The following PCLO variants were observed in gnomAD, a reference collection of about 807,000 sequenced individuals.
The protein encoded by PCLO is piccolo presynaptic cytomatrix protein.
A neutral mutation model predicts 427.5 loss-of-function variants in PCLO; 82 were observed. The observed-to-expected ratio is 0.19, with a 90% CI of 0.16 to 0.23. The LOEUF is 0.23. Among genes scored for constraint, PCLO ranks in the 10% least tolerant of loss-of-function variants. The pLI is 1.00. For synonymous variants in PCLO, 2,357 were observed against 2,155.4 expected, an observed-to-expected ratio of 1.09 and a Z score of -2.59; for missense variants, 6,239 against 6,115.9, an observed-to-expected ratio of 1.02 and a Z score of -0.67.
chr7:82,958,930 C>A (rs1200729473), intron 4 of PCLO, among the ~76,000 whole-genome samples: 1 of 152,142 alleles, frequency 6.6e-6, no homozygotes, highest in Non-Finnish European at 1.5e-5. Context: ...TTAACCCTAG[C>A]CCCATCCTCC....
chr7:83,080,091 T>A (rs571436907), intron 3 of PCLO, among the ~76,000 whole-genome samples: 1 of 152,316 alleles, frequency 6.6e-6, no homozygotes, highest in Non-Finnish European at 1.5e-5. Flanking sequence ...ATGGTGTATA[T>A]GTAACACATT....
intron 3 of PCLO, among the ~76,000 whole-genome samples, chr7:83,101,497 C>T (rs1223686246): frequency 3.3e-5 from 5 of 152,046 alleles, no homozygotes; most frequent in African/African-American, 9.6e-5. Flanking sequence ...AGAATAAAAA[C>T]GGATAGAAAA....
intron 3 of PCLO, among the ~76,000 whole-genome samples, chr7:83,095,609 A>T (rs1790513897): frequency 6.6e-6 from 1 of 151,918 alleles, no homozygotes; most frequent in Non-Finnish European, 1.5e-5. Context: ...GAGCTCCACA[A>T]ATTTTTATAT....
chr7:82,894,680 G>C (rs553466361), intron 9 of PCLO, among the ~76,000 whole-genome samples: 1 of 152,000 alleles, frequency 6.6e-6, no homozygotes, highest in East Asian at 1.9e-4. Flanking sequence ...GGTCGTACTT[G>C]GCTTGGGCTG....
intron 22 of PCLO, among the ~76,000 whole-genome samples, chr7:82,765,179 T>C (rs1163389011): frequency 6.6e-6 from 1 of 151,834 alleles, no homozygotes; most frequent in Non-Finnish European, 1.5e-5. Context: ...TAAAACACTA[T>C]ATATCAGAAT....
chr7:83,024,444 C>T (rs1193378825), intron 3 of PCLO, among the ~76,000 whole-genome samples: 2 of 152,324 alleles, frequency 1.3e-5, no homozygotes, highest in Non-Finnish European at 2.9e-5. Flanking sequence ...GCACGTGGCT[C>T]GGAGGGTCCT....
In PCLO at chr7:82,954,853, A is replaced by C; in HGVS notation, c.6100T>G (p.Phe2034Val). ...ATCTCATGGCTTTCTGGGATGATAA[A>C]AGAGCTTGAAACAATATCTTCCTGA... ...VPQEDIVSSS[F>V]IIPESHEIVD... The change falls in exon 5 of 25, where the codon TTT becomes GTT. Residue 2034 changes from phenylalanine (F) to valine (V), a missense_variant. Phe to Val is a conservative substitution (Grantham distance 50). This residue lies in a region of PCLO where 4,677 missense variants were observed against 4,468.4 expected (regional missense o/e 1.05). Transcript: ENST00000333891. 6.2e-7 allele frequency: 1 copy of C among 1,613,958 alleles called. No homozygotes were observed. The highest frequency in any genetic ancestry group is 8.5e-7 in the Non-Finnish European group (1 of 1,179,876).
intron 3 of PCLO, among the ~76,000 whole-genome samples, chr7:82,970,622 T>A (rs1795881606): frequency 6.6e-6 from 1 of 151,712 alleles, no homozygotes; most frequent in Admixed American, 6.6e-5. Context: ...GTCAACAAAT[T>A]CAGCAAGCAG....
In PCLO at chr7:83,079,253, C is replaced by A. The variant is rs73163034; in HGVS notation, c.3300+54997G>T. ...TTCAACACAATTGTTAACCACTCAA[C>A]CAGTGTTCACTTAAAACCAACATAA... On this transcript the variant is annotated intron_variant, in intron 3 of 24. Transcript: ENST00000333891. 6.5e-3 allele frequency among the ~76,000 whole-genome samples: 995 copies of A among 152,226 alleles called. 9 individuals carry two copies. Among genetic ancestry groups the A allele is most frequent in the Non-Finnish European group, 0.011 (758 of 68,012 alleles).
Position 82,915,309 on chromosome 7 carries a change from G to A in PCLO, c.12677C>T (p.Ser4226Phe). 4 of 1,613,620 alleles carry A rather than the reference G, an allele frequency of 2.5e-6. No individual in the cohort carries two copies. Among genetic ancestry groups the A allele is most frequent in the Non-Finnish European group, 3.4e-6 (4 of 1,179,708 alleles). Residue 4226 changes from serine to phenylalanine, a missense_variant, in exon 7 of 25, where the codon TCT (serine) becomes TTT (phenylalanine). Ser to Phe is a radical substitution (Grantham distance 155). Around this residue, in one of 5 missense-constraint regions of PCLO, gnomAD observed 680 missense variants for 677.3 expected, o/e 1.00. Coordinates refer to ENST00000333891, the MANE Select transcript of PCLO (RefSeq NM_033026.6). ...TGCCCTGGAGGAAATGCCACCAATA[G>A]ATGAAGTGCTAGAAGTCATATAGCT... ...YSSYMTSSTS[S>F]IGGISSRARL...
intron 9 of PCLO, among the ~76,000 whole-genome samples, chr7:82,880,773 T>C (rs1239685449): frequency 6.6e-6 from 1 of 152,228 alleles, no homozygotes; most frequent in Non-Finnish European, 1.5e-5. Context: ...CAATGCATGT[T>C]AATTATTTTA....
intron 24 of PCLO, among the ~76,000 whole-genome samples, chr7:82,758,929 G>GTAT: frequency 6.6e-6 from 1 of 151,890 alleles, no homozygotes; most frequent in East Asian, 1.9e-4. Context: ...ATCAACATTT[G>GTAT]TATTATTCTG....
chr7:83,073,432 C>A (rs1789868507), intron 3 of PCLO, among the ~76,000 whole-genome samples: 1 of 151,934 alleles, frequency 6.6e-6, no homozygotes, highest in Non-Finnish European at 1.5e-5. Context: ...CCTTTAAGAG[C>A]CTACTGCCTT....
intron 4 of PCLO, among the ~76,000 whole-genome samples, chr7:82,957,809 A>G (rs1411911491): frequency 6.6e-6 from 1 of 152,188 alleles, no homozygotes; most frequent in Non-Finnish European, 1.5e-5. Flanking sequence ...GCTTCCTTAA[A>G]CAATAAATAG....
Position 83,162,548 on chromosome 7 carries a change from C to A in PCLO, c.45G>T (p.Gly15=), listed in dbSNP as rs375116133. The change falls in exon 1 of 25, where the codon GGG becomes GGT. Residue 15 remains glycine, a synonymous_variant. Coordinates refer to ENST00000333891, the MANE Select transcript of PCLO (RefSeq NM_033026.6). ...CTCCAGCCGCTGCGGCCGCCGCCAG[C>A]CCTTCGGGGAGCCCTTCCCCTTCCA... ...ASLEGEGLPE[G]LAAAAAAGGG... is the part of the protein sequence containing the mutation. The A allele has an allele frequency of 1.4e-5, 21 of 1,552,598 alleles. No homozygotes were observed. Among genetic ancestry groups the A allele is most frequent in the African/African-American group, 5.5e-5 (4 of 73,256 alleles).
intron 3 of PCLO, among the ~76,000 whole-genome samples, chr7:83,006,701 C>T (rs1166969244): frequency 1.3e-5 from 2 of 151,410 alleles, no homozygotes; most frequent in Non-Finnish European, 3.0e-5. Context: ...GGGGAAATTG[C>T]ATGGATCATA....
chr7:82,859,454 T>G (rs1792898636), intron 10 of PCLO, among the ~76,000 whole-genome samples: 1 of 151,872 alleles, frequency 6.6e-6, no homozygotes, highest in Non-Finnish European at 1.5e-5. Flanking sequence ...AGAACAAGAG[T>G]CTCTGTCTGG....
intron 3 of PCLO, among the ~76,000 whole-genome samples, chr7:83,084,720 T>C (rs528808571): frequency 6.6e-6 from 1 of 152,184 alleles, no homozygotes; most frequent in Non-Finnish European, 1.5e-5. Flanking sequence ...ACACATACTT[T>C]AAAAAACAAA....
chr7:83,055,422 C>G (rs1051607298), intron 3 of PCLO, among the ~76,000 whole-genome samples: 2 of 152,078 alleles, frequency 1.3e-5, no homozygotes, highest in Non-Finnish European at 2.9e-5. Context: ...CTAAGGGAGC[C>G]TTATGAAGAC....
Sources: gnomAD v4.1 joint callset for allele counts (sites outside exome capture counted in the v4.1 genomes callset) on GRCh38, gnomAD v4.1.1 for gene constraint, gnomAD v4.1.1 regional missense constraint, MANE v1.5 for transcripts, NCBI Gene and HGNC (gene_info 2026-07-23, HGNC 2026-07-21) for gene names.